PAPPA2: variants seen among roughly 807,000 people sequenced by gnomAD.
PAPPA2 encodes the protein pappalysin 2, also known as pappalysin-2.
In PAPPA2, 86 loss-of-function variants were observed where a neutral mutation model predicts 176.4. The observed-to-expected ratio is 0.49, with a 90% CI of 0.41 to 0.58. PAPPA2 has a LOEUF of 0.58. Ranked by LOEUF, PAPPA2 falls within the 20% of genes least tolerant of loss-of-function variation. The pLI is 0.00. For synonymous variants in PAPPA2, 809 were observed against 852.2 expected (o/e 0.95, Z 0.88); for missense variants, 2,073 against 2,256.9 (o/e 0.92, Z 1.65).
At chr1:176,464,212 T>C (rs1288612429) in intron 1 of PAPPA2, among the ~76,000 whole-genome samples, 1 of 152,178 alleles carries the variant, frequency 6.6e-6, no homozygotes, top group Non-Finnish European at 1.5e-5. Flanking sequence ...CCTCATACTC[T>C]CCCATAATTT....
At chr1:176,708,988 TA>T (rs1395460608) in intron 10 of PAPPA2, among the ~76,000 whole-genome samples, 1 of 152,110 alleles carries the variant, frequency 6.6e-6, no homozygotes, top group Non-Finnish European at 1.5e-5. Context: ...CATATTTTGG[TA>T]AAAAATGCAA....
At chr1:176,473,874 TCTC>T (rs1426088254) in intron 1 of PAPPA2, among the ~76,000 whole-genome samples, 1 of 152,188 alleles carries the variant, frequency 6.6e-6, no homozygotes, top group African/African-American at 2.4e-5. Context: ...CATTTTCTAA[TCTC>T]ATTGTGTTTT....
intron 1 of PAPPA2, among the ~76,000 whole-genome samples, chr1:176,553,240 G>A (rs934743092): frequency 4.0e-5 from 6 of 149,386 alleles, no homozygotes; most frequent in Admixed American, 1.3e-4. Flanking sequence ...GAGGCTGAGC[G>A]GTGGGTAAGG....
chr1:176,643,987 G>C (rs1184518202), intron 3 of PAPPA2, among the ~76,000 whole-genome samples: 2 of 151,750 alleles, frequency 1.3e-5, no homozygotes, highest in African/African-American at 4.8e-5. Context: ...TACCTCTGTG[G>C]GTGTGTATGA....
chr1:176,566,160 C>T (rs1047786713), intron 2 of PAPPA2, among the ~76,000 whole-genome samples: 4 of 152,138 alleles, frequency 2.6e-5, no homozygotes, highest in African/African-American at 9.7e-5. Flanking sequence ...CTCCTAGATT[C>T]CAGCTCTATG....
At chr1:176,638,896 G>A (rs1441317642) in intron 3 of PAPPA2, among the ~76,000 whole-genome samples, 1 of 151,260 alleles carries the variant, frequency 6.6e-6, no homozygotes, top group Non-Finnish European at 1.5e-5. Context: ...AAATAAACCT[G>A]GGTTTTAAGA....
rs1265356451 is a variant in PAPPA2 at position 176,618,548 on chromosome 1, A to T, written c.1991+22953A>T. Among the ~76,000 whole-genome samples the T allele has an allele frequency of 2.0e-5, 3 of 152,252 alleles. No homozygotes were observed. In the South Asian group the frequency reaches 6.2e-4, roughly 31 times the overall value. ...TTATTTCTCTGTAGTGTTGTGAAAG[A>T]CAACATGAGAAAAATTGTACTGTGT... On this transcript the variant is annotated intron_variant, in intron 3 of 22. Coordinates refer to ENST00000367662, the MANE Select transcript of PAPPA2 (RefSeq NM_020318.3).
intron 14 of PAPPA2, among the ~76,000 whole-genome samples, chr1:176,761,878 A>G (rs1663714939): frequency 6.6e-6 from 1 of 152,242 alleles, no homozygotes; most frequent in Non-Finnish European, 1.5e-5. Context: ...ACTTTCAGTA[A>G]GGTTTGTCCA....
At chr1:176,592,639 C>T (rs1199628807) in intron 2 of PAPPA2, among the ~76,000 whole-genome samples, 1 of 152,122 alleles carries the variant, frequency 6.6e-6, no homozygotes, top group African/African-American at 2.4e-5. Context: ...TGCTAATTAT[C>T]TGGTAACTTA....
At chr1:176,715,450 T>G (rs553421311) in intron 12 of PAPPA2, among the ~76,000 whole-genome samples, 1 of 152,138 alleles carries the variant, frequency 6.6e-6, no homozygotes, top group Non-Finnish European at 1.5e-5. Context: ...ACAGACCCAA[T>G]GTGGCTGCAA....
chr1:176,496,264 T>G (rs2102500709), intron 1 of PAPPA2, among the ~76,000 whole-genome samples: 1 of 152,334 alleles, frequency 6.6e-6, no homozygotes, highest in East Asian at 1.9e-4. Flanking sequence ...GTAGCCATTT[T>G]TTTCTTTATG....
rs1660698825 is a variant in PAPPA2, at chr1:176,702,572, G to A, written c.3237-35G>A. ...GGACCCAGGGCATGCCTCACTTTGTGGCTGTAGTGGTCACAAACCCTTTGG... is the reference window on the plus strand; with the variant it reads ...GGACCCAGGGCATGCCTCACTTTGTAGCTGTAGTGGTCACAAACCCTTTGG... On this transcript the variant is annotated intron_variant, in intron 8 of 22. Coordinates refer to ENST00000367662, the MANE Select transcript of PAPPA2 (RefSeq NM_020318.3). 5 of 1,609,878 alleles carry A rather than the reference G, an allele frequency of 3.1e-6. No homozygotes were observed. The East Asian group carries it at 1.1e-4, about 36-fold the overall frequency.
chr1:176,695,634 C>T, intron 6 of PAPPA2, 104 bp from the exon 7 acceptor site: 2 of 1,339,366 alleles, frequency 1.5e-6, no homozygotes, highest in Non-Finnish European at 2.1e-6. Flanking sequence ...CCTTACTAAC[C>T]ATCAACCCCT....
chr1:176,594,952 G>C lies in PAPPA2; in HGVS notation c.1348G>C (p.Glu450Gln). The C allele has an allele frequency of 6.2e-7, 1 of 1,614,230 alleles. No homozygotes were observed. The highest frequency in any genetic ancestry group is 8.5e-7 in the Non-Finnish European group (1 of 1,180,044). Residue 450 changes from glutamate (E) to glutamine (Q), a missense_variant, in exon 3 of 23, where the codon GAA becomes CAA. By Grantham distance (29) the Glu-to-Gln change is conservative. Around this residue, in one of 4 missense-constraint regions of PAPPA2, gnomAD observed 1,196 missense variants for 1,330.4 expected, o/e 0.90. Coordinates refer to ENST00000367662, the MANE Select transcript of PAPPA2 (RefSeq NM_020318.3). ...HSSQHSSGEEEATDLVLTASF... is the reference protein window; with the variant it reads ...HSSQHSSGEEQATDLVLTASF... ...TTCTCAGCATTCAAGTGGGGAGGAG[G>C]AAGCGACTGACTTGGTCCTGACAGC...
Position 176,595,265 on chromosome 1 carries a change from T to C in PAPPA2, c.1661T>C (p.Leu554Pro). Reference protein sequence around the residue: ...EEQIRLQHEALNEAFSRYNIS... With the variant: ...EEQIRLQHEAPNEAFSRYNIS... ...CAGATTCGTCTGCAGCACGAGGCAC[T>C]GAATGAGGCCTTCAGCCGCTACAAC... The change falls in exon 3 of 23, where the codon CTG (leucine) becomes CCG (proline). Residue 554 changes from leucine to proline, a missense_variant. Leu to Pro is a moderately conservative substitution (Grantham distance 98). Around this residue, in one of 4 missense-constraint regions of PAPPA2, gnomAD observed 1,196 missense variants for 1,330.4 expected, o/e 0.90. Transcript: ENST00000367662. 2 of 1,614,194 alleles carry C rather than the reference T, an allele frequency of 1.2e-6. No individual in the cohort carries two copies. The highest frequency in any genetic ancestry group is 1.7e-6 in the Non-Finnish European group (2 of 1,180,026).
At position 176,793,538 on chromosome 1, in the gene PAPPA2, C is replaced by T. The variant is rs772911390; in HGVS notation, c.5021-22C>T. ...GAGATCTGGGAAGTTCAAGTCTCTG[C>T]TGTAAACTTCTGTTCTTTCAGGTGC... is the stretch of plus-strand genomic sequence containing the variant. On this transcript the variant is annotated intron_variant, in intron 19 of 22. Transcript: ENST00000367662. 5 of 1,564,258 alleles carry T rather than the reference C, an allele frequency of 3.2e-6. No individual in the cohort carries two copies. The South Asian group carries it at 4.5e-5, about 14-fold the overall frequency.
chr1:176,513,319 T>C (rs1287819374), intron 1 of PAPPA2, among the ~76,000 whole-genome samples: 2 of 152,172 alleles, frequency 1.3e-5, no homozygotes, highest in Non-Finnish European at 2.9e-5. Flanking sequence ...TGCTTATATT[T>C]TTCTAAATTG....
At chr1:176,563,022 C>T (rs1651761760) in intron 2 of PAPPA2, among the ~76,000 whole-genome samples, 1 of 152,130 alleles carries the variant, frequency 6.6e-6, no homozygotes, top group African/African-American at 2.4e-5. Flanking sequence ...TTGTTATGTG[C>T]ATGTCTCATT....
At chr1:176,810,925 G>T (rs186947142) in intron 21 of PAPPA2, among the ~76,000 whole-genome samples, 35 of 152,300 alleles carry the variant, frequency 2.3e-4, no homozygotes, top group African/African-American at 7.9e-4. Context: ...CTCTGATCCC[G>T]AATCTCTTTC....
Sources: gnomAD v4.1 joint callset for allele counts (sites outside exome capture counted in the v4.1 genomes callset) on GRCh38, gnomAD v4.1.1 for gene constraint, gnomAD v4.1.1 regional missense constraint, MANE v1.5 for transcripts, NCBI Gene and HGNC (gene_info 2026-07-23, HGNC 2026-07-21) for gene names.